COL18A1: variants seen among roughly 807,000 people sequenced by gnomAD.
COL18A1 encodes the protein collagen type XVIII alpha 1 chain.
Under a neutral mutation model 168.0 loss-of-function variants are expected in COL18A1, and 133 were observed. The observed-to-expected ratio is 0.79, with a 90% CI of 0.69 to 0.91. The LOEUF (loss-of-function observed/expected upper bound fraction) is 0.91, where lower values mean the gene tolerates loss of function less well. COL18A1 is among the 40% of genes least tolerant of loss of function. The pLI is 0.00. For missense variants in COL18A1, 2,126 were observed against 1,925.4 expected (o/e 1.10, Z -1.95); for synonymous variants, 949 against 809.0 (o/e 1.17, Z -2.94).
At position 45,480,106 on chromosome 21, in the gene COL18A1, C is replaced by A; in HGVS notation, c.1348C>A (p.Pro450Thr). ...PGVGERGPPG[P>T]QGPPGPPGPS... ...GGTTGGAGAGAGAGGGCCCCCAGGA[C>A]CCCAAGGGCCTCCAGGGCCCCCAGG... The change falls in exon 11 of 42, where the codon CCC (proline) becomes ACC (threonine). Residue 450 changes from proline (P) to threonine (T), a missense_variant. By Grantham distance (38) the Pro-to-Thr change is conservative (BLOSUM62 -1). Transcript: ENST00000651438. 2 of 1,606,834 alleles carry A rather than the reference C, an allele frequency of 1.2e-6. No homozygotes were observed. Among genetic ancestry groups the A allele is most frequent in the Non-Finnish European group, 1.7e-6 (2 of 1,173,788 alleles).
At chr21:45,431,016 C>T (rs1051979541) in intron 2 of COL18A1, among the ~76,000 whole-genome samples, 2 of 152,236 alleles carry the variant, frequency 1.3e-5, no homozygotes, top group East Asian at 1.9e-4. Flanking sequence ...ACGGGCGGGC[C>T]GAGCAGGACT....
chr21:45,458,916 G>A (rs1464862450), intron 2 of COL18A1, among the ~76,000 whole-genome samples: 4 of 152,354 alleles, frequency 2.6e-5, no homozygotes, highest in Non-Finnish European at 5.9e-5. Context: ...CATGGCTTGG[G>A]GGCTGGGGTC....
chr21:45,497,109 C>G lies in COL18A1; in HGVS notation c.2620+17C>G. 6.5e-7 allele frequency: 1 copy of G among 1,532,990 alleles called. No individual in the cohort carries two copies. The allele number at this position is 1,532,990 out of a possible 1,614,324, so 95.0% of individuals were successfully genotyped here. A position where few individuals can be genotyped will look rare whatever the true frequency, so the allele number is the denominator to read the frequency against. On this transcript the variant is annotated intron_variant, in intron 31 of 41. Coordinates refer to ENST00000651438, the MANE Select transcript of COL18A1 (RefSeq NM_001379500.1). ...GATTGCCAGGTGAGGGTCCTGGGCTCACAGCTGGGGACACAGGCTCTGAAG... is the reference window on the plus strand; with the variant it reads ...GATTGCCAGGTGAGGGTCCTGGGCTGACAGCTGGGGACACAGGCTCTGAAG...
At chr21:45,418,264 G>A (rs1214707830) in intron 2 of COL18A1, among the ~76,000 whole-genome samples, 7 of 152,210 alleles carry the variant, frequency 4.6e-5, no homozygotes, top group South Asian at 4.1e-4. Context: ...TCTGCATCCC[G>A]GCCCCCGGCT....
intron 2 of COL18A1, among the ~76,000 whole-genome samples, chr21:45,426,903 G>C (rs1179650092): frequency 6.6e-6 from 1 of 152,212 alleles, no homozygotes; most frequent in East Asian, 1.9e-4. Flanking sequence ...TTGAACAGCA[G>C]GGGGCTGAGC....
intron 2 of COL18A1, among the ~76,000 whole-genome samples, chr21:45,465,864 C>T (rs144966303): frequency 3.3e-5 from 5 of 152,270 alleles, no homozygotes; most frequent in South Asian, 2.1e-4. Context: ...CCCTTTTCTT[C>T]GGAGCCACGG....
intron 2 of COL18A1, among the ~76,000 whole-genome samples, chr21:45,430,316 G>A (rs2033922511): frequency 6.6e-6 from 1 of 151,944 alleles, no homozygotes; most frequent in South Asian, 2.1e-4. Context: ...GTGGTGGTCA[G>A]AGCTAAGGTT....
chr21:45,496,351 C>G, intron 29 of COL18A1, 149 bp from the exon 30 acceptor site: 1 of 730,974 alleles, frequency 1.4e-6, no homozygotes, highest in Non-Finnish European at 2.5e-6. Context: ...AGCCGTGGCC[C>G]GAGTGACCCA....
chr21:45,416,547 T>C (rs2033451324), intron 2 of COL18A1, among the ~76,000 whole-genome samples: 1 of 152,214 alleles, frequency 6.6e-6, no homozygotes, highest in Non-Finnish European at 1.5e-5. Flanking sequence ...GTCCGTCCTC[T>C]GTGACCTGGT....
rs981096966 is a variant in COL18A1 at position 45,471,272 on chromosome 21, T to C, written c.651+2486T>C. 6.6e-6 allele frequency among the ~76,000 whole-genome samples: 1 copy of C among 152,164 alleles called. No individual in the cohort carries two copies. Among genetic ancestry groups the C allele is most frequent in the South Asian group, 2.1e-4 (1 of 4,826 alleles). On this transcript the variant is annotated intron_variant, in intron 3 of 41. Coordinates refer to ENST00000651438, the MANE Select transcript of COL18A1 (RefSeq NM_001379500.1). The surrounding 1 kb of genome is among the most constrained non-coding windows in gnomAD (Gnocchi z 4.4). ...GGCCTCAGGTGTCAGGAACTTTCTC[T>C]TTGGGTCTTAGATGAGATTCCAGCT...
At chr21:45,436,341 C>T (rs534374171) in intron 2 of COL18A1, among the ~76,000 whole-genome samples, 9 of 152,324 alleles carry the variant, frequency 5.9e-5, no homozygotes, top group East Asian at 1.9e-4. Flanking sequence ...GCCCATCCAG[C>T]GTGTGCAGTG....
rs370343566 is a variant in COL18A1, at chr21:45,443,360, A to G, written c.107-24882A>G. 2.0e-3 allele frequency among the ~76,000 whole-genome samples: 301 copies of G among 152,232 alleles called. 2 individuals are homozygous for G. The highest frequency in any genetic ancestry group is 3.3e-3 in the Non-Finnish European group (226 of 67,992). On this transcript the variant is annotated intron_variant, in intron 2 of 41. Transcript: ENST00000651438. This position sits in a 1 kb window ranked among gnomAD's most constrained non-coding sequence, Gnocchi z 5.2. The stretch of plus-strand genomic sequence containing the variant: ...CTTCCATGAGAAAACCCAGTTAAGG[A>G]GCAACCTGGTAAACCCTTGAAAACC...
At chr21:45,462,335 C>T (rs1053013877) in intron 2 of COL18A1, among the ~76,000 whole-genome samples, 2 of 152,180 alleles carry the variant, frequency 1.3e-5, no homozygotes, top group African/African-American at 4.8e-5. Context: ...GCCATTATTT[C>T]TTCAGATAGT....
intron 2 of COL18A1, among the ~76,000 whole-genome samples, chr21:45,451,066 G>A (rs2034610843): frequency 6.6e-6 from 1 of 152,244 alleles, no homozygotes; most frequent in Admixed American, 6.5e-5. Context: ...GGGACAGCAG[G>A]TCCTCTGGGG....
chr21:45,490,483 C>CGTGTGCCCT, intron 20 of COL18A1, 137 bp downstream of exon 20: 1 of 687,824 alleles, frequency 1.5e-6, no homozygotes. Flanking sequence ...CCTGGGCCTC[C>CGTGTGCCCT]GTGTGCCCTC....
chr21:45,415,445 C>A (rs1212282606), intron 2 of COL18A1, among the ~76,000 whole-genome samples: 6 of 152,116 alleles, frequency 3.9e-5, no homozygotes, highest in Non-Finnish European at 7.4e-5. Context: ...GCTGGACACC[C>A]AGGGCTCAGA....
Position 45,487,011 on chromosome 21 carries a change from T to A in COL18A1, c.1833+19T>A. ...TGGATTTGTGAGTACCGCCTACACC[T>A]GACCCCCTGGAGAGCCGGGGGCTGC... On this transcript the variant is annotated intron_variant, in intron 16 of 41. Coordinates refer to ENST00000651438, the MANE Select transcript of COL18A1 (RefSeq NM_001379500.1). 1 of 1,505,728 alleles carries A rather than the reference T, an allele frequency of 6.6e-7. No homozygotes were observed. The highest frequency in any genetic ancestry group is 8.8e-7 in the Non-Finnish European group (1 of 1,135,338). The allele number at this position is 1,505,728 out of a possible 1,614,324, so 93.3% of individuals were successfully genotyped here. A position where few individuals can be genotyped will look rare whatever the true frequency, so the allele number is the denominator to read the frequency against.
At chr21:45,456,857 T>C (rs996835295) in intron 2 of COL18A1, 2 of 1,468,484 alleles carry the variant, frequency 1.4e-6, no homozygotes, top group African/African-American at 1.5e-5. Context: ...GGATGGGTAC[T>C]GTGTGCTCAT....
chr21:45,507,946 A>G lies in COL18A1; in HGVS notation c.3249+353A>G, dbSNP rs376349032. On this transcript the variant is annotated intron_variant, in intron 38 of 41. Transcript: ENST00000651438. ...CTCACCCAAAGTGCCAGACACAAGAATGGATATCTCTAAGAGTGGTGGGTG... is the reference window on the plus strand; with the variant it reads ...CTCACCCAAAGTGCCAGACACAAGAGTGGATATCTCTAAGAGTGGTGGGTG... 1.2e-4 allele frequency among the ~76,000 whole-genome samples: 18 copies of G among 152,336 alleles called. No individual in the cohort carries two copies. The East Asian group carries it at 2.1e-3, about 18-fold the overall frequency.
Sources: gnomAD v4.1 joint callset for allele counts (sites outside exome capture counted in the v4.1 genomes callset) on GRCh38, gnomAD v4.1.1 for gene constraint, Gnocchi (gnomAD v3.1) non-coding constraint, MANE v1.5 for transcripts, NCBI Gene and HGNC (gene_info 2026-07-23, HGNC 2026-07-21) for gene names.